Variants in NSUN2 observed in about 807,000 individuals in gnomAD.
NSUN2 encodes the protein NOP2/Sun RNA methyltransferase 2, also known as RNA cytosine C(5)-methyltransferase NSUN2.
NSUN2 carries 63 observed loss-of-function variants against 92.7 expected under a neutral mutation model. The observed-to-expected ratio is 0.68, with a 90% CI of 0.56 to 0.84. The LOEUF is 0.84. Among genes scored for constraint, NSUN2 ranks in the 40% least tolerant of loss-of-function variants. The pLI is 0.00. For synonymous variants in NSUN2, 356 were observed against 348.3 expected, an observed-to-expected ratio of 1.02 and a Z score of -0.25; for missense variants, 989 against 964.9, an observed-to-expected ratio of 1.02 and a Z score of -0.33.
chr5:6,623,103 A>G, intron 5 of NSUN2, 111 bp downstream of exon 5: 1 of 824,854 alleles, frequency 1.2e-6, no homozygotes, highest in Non-Finnish European at 1.9e-6. Flanking sequence ...CAAAGTGAAA[A>G]GAAGAAAAAA....
At position 6,600,044 on chromosome 5, in the gene NSUN2, T is replaced by G; in HGVS notation, c.2186A>C (p.Asp729Ala). 5.6e-6 allele frequency: 9 copies of G among 1,614,264 alleles called. No homozygotes were observed. The highest frequency in any genetic ancestry group is 7.6e-6 in the Non-Finnish European group (9 of 1,180,048). Residue 729 changes from aspartate (D) to alanine (A), a missense_variant, in exon 19 of 19, where the codon GAC (aspartate) becomes GCC (alanine). By Grantham distance (126) the Asp-to-Ala change is moderately radical (BLOSUM62 -2). Transcript: ENST00000264670. ...NESAASTGQP[D>A]NDVTEGQRAG... ...TCTCTGTCCCTCAGTCACGTCATTG[T>G]CTGGCTGTCCGGTGCTGGCTGCACT...
chr5:6,621,747 CAA>C (rs36037471), intron 6 of NSUN2: 1,267 of 244,912 alleles, frequency 5.2e-3, no homozygotes, highest in Middle Eastern at 0.012. Context: ...GACTCCATCT[CAA>C]AAAAAAAAAA....
intron 14 of NSUN2, 133 bp downstream of exon 14, chr5:6,606,687 T>G: frequency 2.2e-6 from 1 of 462,120 alleles, no homozygotes; most frequent in Non-Finnish European, 3.7e-6. Context: ...TAATATGCAG[T>G]TAAAAAGGTT....
At chr5:6,627,002 T>A (rs1353942471) in intron 3 of NSUN2, among the ~76,000 whole-genome samples, 1 of 152,164 alleles carries the variant, frequency 6.6e-6, no homozygotes, top group Non-Finnish European at 1.5e-5. Flanking sequence ...ACTGCTCAAG[T>A]CAAAATATTA....
At chr5:6,610,791 T>C (rs2126481636) in intron 11 of NSUN2, among the ~76,000 whole-genome samples, 164 bp downstream of exon 11, 1 of 151,948 alleles carries the variant, frequency 6.6e-6, no homozygotes, top group South Asian at 2.1e-4. Flanking sequence ...ACAAGAGCCA[T>C]ACTGGCTGGG....
Position 6,607,277 on chromosome 5 carries a change from T to A in NSUN2, c.1431A>T (p.Thr477=). 1.9e-6 allele frequency: 3 copies of A among 1,614,250 alleles called. No homozygotes were observed. The highest frequency in any genetic ancestry group is 1.6e-4 in the Middle Eastern group (1 of 6,062). The change falls in exon 13 of 19, where the codon ACA becomes ACT. Residue 477 remains threonine (T), a synonymous_variant. Coordinates refer to ENST00000264670, the MANE Select transcript of NSUN2 (RefSeq NM_017755.6). ...GAGCTATTTCTGTGTCACCAGTTCC[T>A]GTGAATGACGGACTTTCCAGCTTAG... ...DPSKLESPSF[T]GTGDTEIAHA... is the part of the protein sequence containing the mutation.
At chr5:6,601,809 T>G (rs572053089) in intron 18 of NSUN2, among the ~76,000 whole-genome samples, 1 of 152,234 alleles carries the variant, frequency 6.6e-6, no homozygotes, top group African/African-American at 2.4e-5. Flanking sequence ...CTCTCAGAAA[T>G]GGTGTTGCAT....
intron 10 of NSUN2, 58 bp downstream of exon 10, chr5:6,611,660 ACTTGACT>A (rs1339438401): frequency 2.9e-6 from 4 of 1,357,842 alleles, no homozygotes; most frequent in Admixed American, 1.7e-5. Context: ...ATGCTTTGAA[ACTTGACT>A]CTACTTCAGT....
chr5:6,614,326 C>T (rs1301160728), intron 9 of NSUN2, among the ~76,000 whole-genome samples: 1 of 152,130 alleles, frequency 6.6e-6, no homozygotes, highest in Non-Finnish European at 1.5e-5. Context: ...TGAAGACGAA[C>T]CCATCAGTAC....
Position 6,607,391 on chromosome 5 carries a change from T to A in NSUN2, c.1324-7A>T. ...CTGCAGATTTACCCTGAAGCTGTCA[T>A]AAAGAACAATTTCATTGACACACAA... On this transcript the variant is annotated splice_polypyrimidine_tract_variant and splice_region_variant and intron_variant, in intron 12 of 18. Transcript: ENST00000264670. 6.2e-7 allele frequency: 1 copy of A among 1,603,068 alleles called. No homozygotes were observed. The highest frequency in any genetic ancestry group is 8.5e-7 in the Non-Finnish European group (1 of 1,172,878).
chr5:6,604,043 G>A (rs1736658425), intron 17 of NSUN2, 95 bp downstream of exon 17: 2 of 1,100,942 alleles, frequency 1.8e-6, no homozygotes, highest in Admixed American at 2.2e-5. Flanking sequence ...TGAAAACTAT[G>A]ATTGATAAAT....
In NSUN2 at chr5:6,632,663, C is replaced by T. The variant is rs1251612584; in HGVS notation, c.190G>A (p.Gly64Ser). The T allele has an allele frequency of 1.9e-6, 3 of 1,614,072 alleles. No homozygotes were observed. The African/African-American group carries it at 4.0e-5, about 22-fold the overall frequency. The part of the protein sequence containing the change: ...ELKIVPEGEW[G>S]QFMDALREPL... ...TCCCTGAGAGCGTCCATGAACTGGC[C>T]CCACTCGCCCTCGGGCACGATCTTG... The change falls in exon 2 of 19, where the codon GGC becomes AGC. Residue 64 changes from glycine to serine, a missense_variant. This residue lies in a region of NSUN2 where 356 missense variants were observed against 338.6 expected (regional missense o/e 1.05). Coordinates refer to ENST00000264670, the MANE Select transcript of NSUN2 (RefSeq NM_017755.6).
chr5:6,609,499 G>C (rs910295871), intron 12 of NSUN2, among the ~76,000 whole-genome samples: 2 of 152,182 alleles, frequency 1.3e-5, no homozygotes, highest in South Asian at 4.1e-4. Flanking sequence ...CAAGGAACTA[G>C]AGCACAGAAA....
At chr5:6,625,791 T>G in intron 3 of NSUN2, 122 bp from the exon 4 acceptor site, 1 of 690,636 alleles carries the variant, frequency 1.4e-6, no homozygotes, top group Non-Finnish European at 2.6e-6. Context: ...CCTGCTCCTA[T>G]TCACAATCCT....
rs1347758179 is a variant in NSUN2, at chr5:6,616,731, A to C, written c.1017T>G (p.Ser339Arg). ...EAVIASLLEKSEGALELADVS... is the reference protein window; with the variant it reads ...EAVIASLLEKREGALELADVS... ...AGATCCATCAAGCGTGCTTACCTTC[A>C]CTTTTTTCCAGTAAAGATGCTATGA... The change falls in exon 9 of 19, where the codon AGT becomes AGG. Residue 339 changes from serine to arginine, a missense_variant. By Grantham distance (110) the Ser-to-Arg change is moderately radical. Transcript: ENST00000264670. 7 of 1,613,822 alleles carry C rather than the reference A, an allele frequency of 4.3e-6. No individual in the cohort carries two copies. The highest frequency in any genetic ancestry group is 5.9e-6 in the Non-Finnish European group (7 of 1,179,870).
At chr5:6,629,182 CAG>C (rs2126509127) in intron 3 of NSUN2, among the ~76,000 whole-genome samples, 1 of 152,328 alleles carries the variant, frequency 6.6e-6, no homozygotes, top group East Asian at 1.9e-4. Context: ...TGGCTGTTGG[CAG>C]AGAGCAATTC....
intron 3 of NSUN2, among the ~76,000 whole-genome samples, chr5:6,629,155 G>A (rs1232637906): frequency 6.6e-6 from 1 of 152,188 alleles, no homozygotes; most frequent in African/African-American, 2.4e-5. Flanking sequence ...GAAAATTAAA[G>A]CAAACAAAAA....
intron 17 of NSUN2, among the ~76,000 whole-genome samples, chr5:6,603,465 G>A (rs775622733): frequency 1.3e-5 from 2 of 152,208 alleles, no homozygotes; most frequent in Non-Finnish European, 2.9e-5. Context: ...GCTGAGACAG[G>A]CAGATCACAA....
intron 15 of NSUN2, 172 bp downstream of exon 15, chr5:6,605,101 G>A: frequency 1.2e-6 from 1 of 854,786 alleles, no homozygotes; most frequent in Admixed American, 2.4e-5. Context: ...GAACCATTCA[G>A]CCCTGTGTCA....
Sources: gnomAD v4.1 joint callset for allele counts (sites outside exome capture counted in the v4.1 genomes callset) on GRCh38, gnomAD v4.1.1 for gene constraint, gnomAD v4.1.1 regional missense constraint, MANE v1.5 for transcripts, NCBI Gene and HGNC (gene_info 2026-07-23, HGNC 2026-07-21) for gene names.